RIC1: variants seen among roughly 807,000 people sequenced by gnomAD.
RIC1 encodes the protein guanine nucleotide exchange factor subunit RIC1.
RIC1 carries 88 observed loss-of-function variants against 169.0 expected under a neutral mutation model. That is an observed-to-expected ratio of 0.52 (90% confidence interval 0.44 to 0.62). The LOEUF (loss-of-function observed/expected upper bound fraction) is 0.62, where lower values mean the gene tolerates loss of function less well. Among genes scored for constraint, RIC1 ranks in the 20% least tolerant of loss-of-function variants. The pLI, the probability that RIC1 is intolerant of heterozygous loss-of-function variation, is 0.00. For missense variants in RIC1, 1,877 were observed against 1,725.5 expected (o/e 1.09, Z -1.56); for synonymous variants, 790 against 601.5 (o/e 1.31, Z -4.59).
intron 22 of RIC1, 198 bp downstream of exon 22, chr9:5,769,454 A>G (rs762710515): frequency 2.0e-6 from 3 of 1,481,270 alleles, no homozygotes; most frequent in African/African-American, 2.8e-5. Context: ...TATGTCTCTA[A>G]GTCTTGTGAC....
chr9:5,730,441 A>G (rs918653699), intron 6 of RIC1, among the ~76,000 whole-genome samples: 2 of 152,178 alleles, frequency 1.3e-5, no homozygotes, highest in African/African-American at 4.8e-5. Context: ...TGGTAAGCAA[A>G]AAACAGCTAG....
intron 11 of RIC1, 32 bp downstream of exon 11, chr9:5,746,115 G>A: frequency 6.4e-7 from 1 of 1,565,658 alleles, no homozygotes; most frequent in Non-Finnish European, 8.7e-7. Context: ...ATTTTTTAGT[G>A]TCTTTTGTGT....
At chr9:5,677,998 TG>T (rs1820559312) in intron 2 of RIC1, among the ~76,000 whole-genome samples, 1 of 132,530 alleles carries the variant, frequency 7.5e-6, no homozygotes, top group South Asian at 2.6e-4. Flanking sequence ...CCCTCCCCCC[TG>T]CCCCCACCCC....
intron 17 of RIC1, among the ~76,000 whole-genome samples, chr9:5,758,722 CTTTTTTTTTTT>C (rs754931692): frequency 2.0e-5 from 2 of 98,436 alleles, no homozygotes; most frequent in African/African-American, 8.0e-5. Flanking sequence ...GGTCTCCCTT[CTTTTTTTTTTT>C]TTTTTTTTGT....
chr9:5,732,135 A>T (rs1824406015), intron 6 of RIC1, among the ~76,000 whole-genome samples: 1 of 152,194 alleles, frequency 6.6e-6, no homozygotes, highest in Non-Finnish European at 1.5e-5. Context: ...AGTGTTTTTT[A>T]AATAAATTAA....
intron 1 of RIC1, among the ~76,000 whole-genome samples, chr9:5,639,096 A>T (rs1818113484): frequency 6.6e-6 from 1 of 152,108 alleles, no homozygotes; most frequent in South Asian, 2.1e-4. Flanking sequence ...TTGTAGAGAC[A>T]GGATTTCACC....
chr9:5,770,464 A>G (rs1189767041), intron 23 of RIC1, among the ~76,000 whole-genome samples, 186 bp downstream of exon 23: 2 of 152,128 alleles, frequency 1.3e-5, no homozygotes, highest in African/African-American at 2.4e-5. Flanking sequence ...TGCCATATTT[A>G]TTTTATGTGA....
At chr9:5,735,031 G>T (rs1016999129) in intron 7 of RIC1, among the ~76,000 whole-genome samples, 1 of 152,046 alleles carries the variant, frequency 6.6e-6, no homozygotes, top group Non-Finnish European at 1.5e-5. Context: ...TAGCTCCTTT[G>T]TTCCAAACAG....
intron 6 of RIC1, among the ~76,000 whole-genome samples, chr9:5,726,766 C>T (rs1332572333): frequency 6.6e-6 from 1 of 152,216 alleles, no homozygotes; most frequent in Admixed American, 6.5e-5. Flanking sequence ...CAAAATCTCT[C>T]AGCATTTGCT....
At chr9:5,675,959 A>C (rs1205377289) in intron 2 of RIC1, among the ~76,000 whole-genome samples, 1 of 152,234 alleles carries the variant, frequency 6.6e-6, no homozygotes, top group Admixed American at 6.5e-5. Context: ...AAAGAAATCT[A>C]ATCTAACCCC....
At chr9:5,689,069 G>A (rs1341269643) in intron 2 of RIC1, among the ~76,000 whole-genome samples, 2 of 38,904 alleles carry the variant, frequency 5.1e-5, no homozygotes, top group African/African-American at 9.0e-5. Flanking sequence ...TTTTTTTTGA[G>A]ACGGAGTCTC....
intron 1 of RIC1, among the ~76,000 whole-genome samples, chr9:5,652,113 CT>C (rs1818837543): frequency 6.9e-6 from 1 of 144,788 alleles, no homozygotes; most frequent in Non-Finnish European, 1.5e-5. Context: ...GTTAATACAG[CT>C]TTGTAGTATA....
chr9:5,746,698 C>G (rs2131000000), intron 11 of RIC1, among the ~76,000 whole-genome samples: 1 of 152,216 alleles, frequency 6.6e-6, no homozygotes, highest in South Asian at 2.1e-4. Flanking sequence ...ATAGTGTATA[C>G]TAATATTATT....
chr9:5,746,441 T>A (rs1214535859), intron 11 of RIC1, among the ~76,000 whole-genome samples: 1 of 152,148 alleles, frequency 6.6e-6, no homozygotes, highest in Non-Finnish European at 1.5e-5. Flanking sequence ...CAGGATTTTT[T>A]AAAAGTTTTG....
chr9:5,743,138 G>C (rs1367144692), intron 9 of RIC1, 125 bp downstream of exon 9: 57 of 795,456 alleles, frequency 7.2e-5, no homozygotes, highest in Non-Finnish European at 1.0e-4. Context: ...AATTTGCAAA[G>C]TTCATAATCT....
rs1228410602 is a variant in RIC1, at chr9:5,768,921, A to T, written c.3138-49A>T. On this transcript the variant is annotated intron_variant, in intron 21 of 25. Transcript: ENST00000414202. ...TACCTCTGCGTAATAAGGATGTGAAATCCTCCAGTAAAGATTATTCTGTAG... is the reference window on the plus strand; with the variant it reads ...TACCTCTGCGTAATAAGGATGTGAATTCCTCCAGTAAAGATTATTCTGTAG... 3.2e-6 allele frequency: 5 copies of T among 1,546,572 alleles called. No individual in the cohort carries two copies. In the Admixed American group the frequency reaches 1.0e-4, roughly 32 times the overall value.
intron 3 of RIC1, among the ~76,000 whole-genome samples, chr9:5,705,093 T>G (rs1293722138): frequency 6.6e-6 from 1 of 152,142 alleles, no homozygotes; most frequent in Non-Finnish European, 1.5e-5. Context: ...GATCAGGAAA[T>G]GTGAATTCTC....
intron 2 of RIC1, among the ~76,000 whole-genome samples, chr9:5,659,328 G>T (rs1217353859): frequency 6.6e-6 from 1 of 152,112 alleles, no homozygotes; most frequent in South Asian, 2.1e-4. Context: ...AAATCAGGAA[G>T]TGGAATCCTC....
chr9:5,657,973 A>G (rs1443481049), intron 2 of RIC1, among the ~76,000 whole-genome samples: 1 of 152,140 alleles, frequency 6.6e-6, no homozygotes, highest in Non-Finnish European at 1.5e-5. Context: ...CTTTCAAGCT[A>G]CAATAGCAGA....
Sources: gnomAD v4.1 joint callset for allele counts (sites outside exome capture counted in the v4.1 genomes callset) on GRCh38, gnomAD v4.1.1 for gene constraint, MANE v1.5 for transcripts, NCBI Gene and HGNC (gene_info 2026-07-23, HGNC 2026-07-21) for gene names.